The following NDUFAF6 variants were observed in gnomAD, a reference collection of about 807,000 sequenced individuals.
NDUFAF6 encodes NADH:ubiquinone oxidoreductase complex assembly factor 6, also known as NADH dehydrogenase (ubiquinone) complex I, assembly factor 6.
A neutral mutation model predicts 40.8 loss-of-function variants in NDUFAF6; 45 were observed. The observed-to-expected ratio is 1.10, with a 90% CI of 0.87 to 1.42. NDUFAF6 has a LOEUF of 1.42. Ranked by LOEUF, NDUFAF6 falls within the 40% of genes most tolerant of loss-of-function variation. The probability of loss-of-function intolerance (pLI) is 0.00; values close to 1 mark genes in which losing one functional copy is unlikely to be tolerated. For synonymous variants in NDUFAF6, 185 were observed against 155.9 expected, an observed-to-expected ratio of 1.19 and a Z score of -1.39; for missense variants, 435 against 418.5, an observed-to-expected ratio of 1.04 and a Z score of -0.34.
At chr8:94,936,491 G>A (rs1212484097) in intron 1 of NDUFAF6, among the ~76,000 whole-genome samples, 1 of 152,128 alleles carries the variant, frequency 6.6e-6, no homozygotes, top group Non-Finnish European at 1.5e-5. Context: ...TTGGAAGGAT[G>A]CTACTTTGAT....
Position 95,031,984 on chromosome 8 carries a change from G to C in NDUFAF6, c.198-11G>C. 1.2e-6 allele frequency: 2 copies of C among 1,609,024 alleles called. No homozygotes were observed. The highest frequency in any genetic ancestry group is 1.7e-6 in the Non-Finnish European group (2 of 1,175,764). On this transcript the variant is annotated splice_polypyrimidine_tract_variant and intron_variant, in intron 1 of 8. Coordinates refer to ENST00000396124, the MANE Select transcript of NDUFAF6 (RefSeq NM_152416.4). ...TGAAGAGTAACTGTCTTTTTTTTCTGTCTGTTACAGGAAACGGGATTATGA... is the reference window on the plus strand; with the variant it reads ...TGAAGAGTAACTGTCTTTTTTTTCTCTCTGTTACAGGAAACGGGATTATGA...
chr8:95,006,376 A>G (rs2131660647), intron 2 of NDUFAF6, among the ~76,000 whole-genome samples: 1 of 141,576 alleles, frequency 7.1e-6, no homozygotes, highest in Middle Eastern at 3.7e-3. Context: ...AAAAAAAAAA[A>G]GAAAGAAAAG....
intron 2 of NDUFAF6, among the ~76,000 whole-genome samples, chr8:95,090,183 G>A (rs1406136567): frequency 2.0e-5 from 3 of 152,068 alleles, no homozygotes; most frequent in Non-Finnish European, 4.4e-5. Flanking sequence ...CCAAATCACC[G>A]GTTGTGGGGA....
intron 1 of NDUFAF6, among the ~76,000 whole-genome samples, chr8:94,936,986 A>G (rs746568627): frequency 6.6e-6 from 1 of 152,222 alleles, no homozygotes; most frequent in Non-Finnish European, 1.5e-5. Context: ...GCTGCAAGTG[A>G]GACTAGTGCT....
chr8:95,111,490 C>A (rs530028188), intron 4 of NDUFAF6, among the ~76,000 whole-genome samples: 1 of 152,320 alleles, frequency 6.6e-6, no homozygotes, highest in South Asian at 2.1e-4. Context: ...CTGCACATTC[C>A]TGGATTATAG....
chr8:95,034,551 A>AT (rs1391083990), intron 2 of NDUFAF6: 2 of 154,226 alleles, frequency 1.3e-5, no homozygotes, highest in African/African-American at 2.4e-5. Context: ...ACATTGACAT[A>AT]TTTTAAGCAA....
chr8:95,097,881 A>C (rs1369451081), upstream of NDUFAF6, among the ~76,000 whole-genome samples: 1 of 152,228 alleles, frequency 6.6e-6, no homozygotes, highest in African/African-American at 2.4e-5. Flanking sequence ...CAAATTCCTC[A>C]TCTGTGGCTA....
At chr8:94,950,998 A>G (rs1328983417) in intron 2 of NDUFAF6, 1 of 152,152 alleles carries the variant, frequency 6.6e-6, no homozygotes, top group Non-Finnish European at 1.5e-5. Flanking sequence ...AAGTGGGTGT[A>G]TTTTTCTTCC....
intron 2 of NDUFAF6, among the ~76,000 whole-genome samples, chr8:94,997,758 A>G (rs1826520962): frequency 6.6e-6 from 1 of 152,250 alleles, no homozygotes; most frequent in South Asian, 2.1e-4. Context: ...TTAGGCTTAT[A>G]GAAAAGAATA....
chr8:95,090,330 C>T (rs1243287422), intron 2 of NDUFAF6, among the ~76,000 whole-genome samples: 2 of 152,172 alleles, frequency 1.3e-5, no homozygotes, highest in Admixed American at 6.5e-5. Context: ...AGTATGATAA[C>T]GTGAGTTGTT....
intron 8 of NDUFAF6, among the ~76,000 whole-genome samples, chr8:95,052,613 T>C (rs767243451): frequency 2.0e-5 from 3 of 152,238 alleles, no homozygotes; most frequent in Non-Finnish European, 4.4e-5. Context: ...AGTATTACTA[T>C]TCTGTTCATT....
At chr8:95,091,935 A>G (rs1809265053) in intron 2 of NDUFAF6, among the ~76,000 whole-genome samples, 1 of 72,362 alleles carries the variant, frequency 1.4e-5, no homozygotes, top group South Asian at 6.8e-4. Context: ...CTTTAAGGCA[A>G]GCCCAACTCT....
chr8:95,024,898 A>G (rs1827876262), upstream of NDUFAF6: 5 of 960,238 alleles, frequency 5.2e-6, no homozygotes, highest in Admixed American at 4.3e-5. Context: ...AGCGGCGTCC[A>G]GAGGCTGCCT....
intron 1 of NDUFAF6, among the ~76,000 whole-genome samples, chr8:94,964,863 C>T (rs1008990733): frequency 6.6e-6 from 1 of 152,156 alleles, no homozygotes; most frequent in African/African-American, 2.4e-5. Flanking sequence ...CCCTGATGGA[C>T]CATGGGAATT....
At chr8:94,973,481 G>A (rs1322334157) in intron 1 of NDUFAF6, among the ~76,000 whole-genome samples, 1 of 152,160 alleles carries the variant, frequency 6.6e-6, no homozygotes, top group Non-Finnish European at 1.5e-5. Context: ...GGCTAAGGCG[G>A]GCAGATCACG....
chr8:95,049,195 C>G (rs75570766), intron 7 of NDUFAF6, among the ~76,000 whole-genome samples: 2,677 of 152,212 alleles, frequency 0.018, 80 homozygotes, highest in African/African-American at 0.06. Context: ...TCATTTACAA[C>G]TCGTTTTCCT....
At chr8:94,949,578 G>T (rs972767247) in intron 2 of NDUFAF6, among the ~76,000 whole-genome samples, 7 of 151,984 alleles carry the variant, frequency 4.6e-5, no homozygotes, top group African/African-American at 7.2e-5. Context: ...GGAGCTGAGC[G>T]TGAAGGCCTG....
chr8:94,902,748 T>G (rs1295712834), intron 1 of NDUFAF6, among the ~76,000 whole-genome samples: 1 of 143,330 alleles, frequency 7.0e-6, no homozygotes, highest in African/African-American at 2.6e-5. Context: ...CAGGCTGGAG[T>G]GCAGGGGCAC....
intron 2 of NDUFAF6, chr8:94,951,524 G>A (rs551699295): frequency 6.6e-6 from 1 of 152,302 alleles, no homozygotes; most frequent in African/African-American, 2.4e-5. Flanking sequence ...TGTCTCAGGA[G>A]TCACTTGCTT....
Sources: allele counts gnomAD v4.1 joint callset (sites outside exome capture counted in the v4.1 genomes callset), GRCh38; gene constraint gnomAD v4.1.1; transcripts MANE v1.5; gene names NCBI Gene and HGNC (gene_info 2026-07-23, HGNC 2026-07-21).